Variants in DGKB observed in about 807,000 individuals in gnomAD.
The protein encoded by DGKB is 90 kDa diacylglycerol kinase.
In DGKB, 67 loss-of-function variants were observed where a neutral mutation model predicts 114.3. The observed-to-expected ratio is 0.59, with a 90% CI of 0.48 to 0.72. The LOEUF is 0.72. Among genes scored for constraint, DGKB ranks in the 30% least tolerant of loss-of-function variants. The pLI is 0.00. For missense variants in DGKB, 907 were observed against 975.2 expected (o/e 0.93, Z 0.93); for synonymous variants, 398 against 323.1 (o/e 1.23, Z -2.49).
chr7:14,543,469 G>C (rs1417694481), intron 20 of DGKB, among the ~76,000 whole-genome samples: 1 of 151,674 alleles, frequency 6.6e-6, no homozygotes, highest in Admixed American at 6.6e-5. Context: ...CAAAAAAAAA[G>C]AAAGAAAGAC....
intron 1 of DGKB, among the ~76,000 whole-genome samples, chr7:14,932,153 T>G (rs539129856): frequency 6.6e-6 from 1 of 152,296 alleles, no homozygotes; most frequent in Admixed American, 6.5e-5. Flanking sequence ...TCTCCCATGT[T>G]CTGGACTGTA....
At chr7:14,941,892 C>G (rs569636701) in intron 1 of DGKB, among the ~76,000 whole-genome samples, 1 of 152,116 alleles carries the variant, frequency 6.6e-6, no homozygotes, top group Non-Finnish European at 1.5e-5. Context: ...CATTACTTTT[C>G]AACTCAACCT....
intron 21 of DGKB, among the ~76,000 whole-genome samples, chr7:14,403,909 T>C (rs891266732): frequency 6.6e-6 from 1 of 151,932 alleles, no homozygotes; most frequent in Non-Finnish European, 1.5e-5. Flanking sequence ...CTCACTTTTC[T>C]CTTATGTAAA....
At chr7:14,939,930 T>C (rs1041020127) in intron 1 of DGKB, among the ~76,000 whole-genome samples, 6 of 152,126 alleles carry the variant, frequency 3.9e-5, no homozygotes, top group African/African-American at 1.2e-4. Flanking sequence ...ATTTATAAAA[T>C]TGAAAAATTT....
At chr7:14,864,248 T>C (rs2128185325) in intron 1 of DGKB, among the ~76,000 whole-genome samples, 1 of 152,332 alleles carries the variant, frequency 6.6e-6, no homozygotes, top group African/African-American at 2.4e-5. Flanking sequence ...TTTTCCTAGT[T>C]GTGTTTAAAT....
At chr7:14,230,168 C>A (rs533621214) in intron 23 of DGKB, among the ~76,000 whole-genome samples, 13 of 152,070 alleles carry the variant, frequency 8.5e-5, no homozygotes, top group Non-Finnish European at 1.8e-4. Context: ...CTCAAAACAA[C>A]AAAAGTAGAG....
chr7:14,704,170 T>C (rs1825720743), intron 6 of DGKB, among the ~76,000 whole-genome samples: 1 of 151,670 alleles, frequency 6.6e-6, no homozygotes, highest in South Asian at 2.1e-4. Context: ...GCGCGGTGGC[T>C]TATGCCTGTA....
At chr7:14,815,287 C>A (rs746092471) in intron 2 of DGKB, 3 of 152,242 alleles carry the variant, frequency 2.0e-5, no homozygotes, top group Non-Finnish European at 4.4e-5. Context: ...GACCCTGATA[C>A]GGAAAATGTG....
intron 20 of DGKB, among the ~76,000 whole-genome samples, chr7:14,526,861 G>A (rs1169151070): frequency 6.6e-6 from 1 of 151,982 alleles, no homozygotes; most frequent in Non-Finnish European, 1.5e-5. Context: ...GAACTTAGCA[G>A]TTCACCTATT....
At chr7:14,282,939 T>G (rs1217180456) in intron 23 of DGKB, among the ~76,000 whole-genome samples, 1 of 151,962 alleles carries the variant, frequency 6.6e-6, no homozygotes, top group Non-Finnish European at 1.5e-5. Flanking sequence ...AGCATTCCCT[T>G]TGAAAACTGG....
upstream of DGKB, among the ~76,000 whole-genome samples, chr7:14,906,687 G>A (rs758982201): frequency 1.3e-5 from 2 of 151,952 alleles, no homozygotes; most frequent in Non-Finnish European, 2.9e-5. Flanking sequence ...TCCTGACCTC[G>A]TGATCCACCC....
upstream of DGKB, among the ~76,000 whole-genome samples, chr7:14,905,535 A>C (rs1007813267): frequency 2.0e-5 from 3 of 152,212 alleles, no homozygotes; most frequent in Non-Finnish European, 4.4e-5. Flanking sequence ...AATCTAAAAA[A>C]TAAGAGAAAA....
intron 1 of DGKB, among the ~76,000 whole-genome samples, chr7:14,935,627 A>G (rs574039672): frequency 5.9e-5 from 9 of 152,164 alleles, no homozygotes; most frequent in Non-Finnish European, 1.2e-4. Context: ...TCTTCAATGT[A>G]TATACATGCA....
intron 23 of DGKB, among the ~76,000 whole-genome samples, chr7:14,323,712 T>C (rs904488739): frequency 3.9e-5 from 6 of 152,178 alleles, no homozygotes; most frequent in African/African-American, 1.4e-4. Context: ...TCCGAAAGCC[T>C]ACTTGGGCTT....
chr7:14,620,494 T>C (rs1807411037), intron 15 of DGKB, among the ~76,000 whole-genome samples: 1 of 151,682 alleles, frequency 6.6e-6, no homozygotes, highest in Admixed American at 6.6e-5. Flanking sequence ...TAAAAAAAGA[T>C]GATAGAAAAT....
At chr7:14,762,246 T>C (rs1357092912) in intron 2 of DGKB, among the ~76,000 whole-genome samples, 3 of 152,032 alleles carry the variant, frequency 2.0e-5, no homozygotes, top group Non-Finnish European at 4.4e-5. Flanking sequence ...AAAGAAAATG[T>C]TTATGGGGAG....
At chr7:14,633,558 T>C (rs867779556) in intron 13 of DGKB, among the ~76,000 whole-genome samples, 1 of 151,938 alleles carries the variant, frequency 6.6e-6, no homozygotes, top group South Asian at 2.1e-4. Flanking sequence ...TAGAAACTTA[T>C]TAGAAAATAA....
chr7:14,273,616 G>T (rs181616321), intron 23 of DGKB, among the ~76,000 whole-genome samples: 1 of 152,298 alleles, frequency 6.6e-6, no homozygotes, highest in African/African-American at 2.4e-5. Context: ...TAGTTGAATG[G>T]TAAATTTTCA....
chr7:14,913,684 A>G (rs187886098), intron 1 of DGKB, among the ~76,000 whole-genome samples: 92 of 152,056 alleles, frequency 6.1e-4, no homozygotes, highest in African/African-American at 2.2e-3. Context: ...TTCCTGGGGT[A>G]GTTGACATTT....
Sources: allele counts gnomAD v4.1 joint callset (sites outside exome capture counted in the v4.1 genomes callset), GRCh38; gene constraint gnomAD v4.1.1; transcripts MANE v1.5; gene names NCBI Gene and HGNC (gene_info 2026-07-23, HGNC 2026-07-21).